Variants in HOMER3 observed in about 807,000 individuals in gnomAD.
HOMER3 encodes the protein homer protein homolog 3.
A neutral mutation model predicts 45.5 loss-of-function variants in HOMER3; 34 were observed. That is an observed-to-expected ratio of 0.75 (90% CI 0.57 to 1.00). The LOEUF (loss-of-function observed/expected upper bound fraction) is 1.00, where lower values mean the gene tolerates loss of function less well. Ranked by LOEUF, HOMER3 falls within the 50% of genes least tolerant of loss-of-function variation. HOMER3 has a pLI of 0.00. For missense variants in HOMER3, 480 were observed against 497.5 expected (o/e 0.96, Z 0.33); for synonymous variants, 223 against 208.8 (o/e 1.07, Z -0.58).
rs953082850 is a variant in HOMER3 at position 18,937,259 on chromosome 19, C to T, written c.303+1094G>A. ...CCAGGAGTTTGAGGCTGCAGTGAGC[C>T]ATGATTGCACTGCTTCACTCCAGCC... On this transcript the variant is annotated intron_variant, in intron 4 of 9. Coordinates refer to ENST00000392351, the MANE Select transcript of HOMER3 (RefSeq NM_004838.4). Among the ~76,000 whole-genome samples, 3 of 129,248 alleles carry T rather than the reference C, an allele frequency of 2.3e-5. No individual in the cohort carries two copies. The Admixed American group carries it at 2.9e-4, about 13-fold the overall frequency. 84.8% of individuals were successfully genotyped at this position (129,248 alleles called of 152,430 possible).
chr19:18,938,279 C>T (rs2057115501), intron 4 of HOMER3, 74 bp downstream of exon 4: 4 of 1,518,054 alleles, frequency 2.6e-6, no homozygotes, highest in Admixed American at 3.8e-5. Flanking sequence ...TGCCCAAGAT[C>T]CCAGAGTGAG....
intron 1 of HOMER3, chr19:18,939,265 C>T (rs1460310455): frequency 7.2e-6 from 3 of 418,304 alleles, no homozygotes; most frequent in South Asian, 1.2e-4. Flanking sequence ...CATGGCGAGA[C>T]CCCATCTCTA....
Position 18,931,340 on chromosome 19 carries a change from A to C in HOMER3, c.879T>G (p.Thr293=). Residue 293 remains threonine (T), a synonymous_variant, in exon 9 of 10, where the codon ACT becomes ACG. Coordinates refer to ENST00000392351, the MANE Select transcript of HOMER3 (RefSeq NM_004838.4). ...EALEAAEREE[T]QQKVQDLETR... ...CCACACACACCTGCACCTTCTGCTG[A>C]GTCTCCTCACGCTCGGCAGCCTCCA... 1 of 1,614,070 alleles carries C rather than the reference A, an allele frequency of 6.2e-7. No homozygotes were observed. The highest frequency in any genetic ancestry group is 8.5e-7 in the Non-Finnish European group (1 of 1,179,994).
Position 18,938,441 on chromosome 19 carries a change from T to C in HOMER3, c.215A>G (p.Lys72Arg). 6.2e-7 allele frequency: 1 copy of C among 1,614,088 alleles called. No homozygotes were observed. Among genetic ancestry groups the C allele is most frequent in the Non-Finnish European group, 8.5e-7 (1 of 1,179,966 alleles). ...CCACTGCCCGAACTTCTGGGAAGTT[T>C]TGGTGAAGGTCATGTTGGGAGTGAC... ...STVTPNMTFT[K>R]TSQKFGQWAD... The change falls in exon 4 of 10, where the codon AAA becomes AGA. Residue 72 changes from lysine (K) to arginine (R), a missense_variant. Coordinates refer to ENST00000392351, the MANE Select transcript of HOMER3 (RefSeq NM_004838.4).
At chr19:18,932,898 C>A in intron 6 of HOMER3, 26 bp downstream of exon 6, 2 of 1,037,066 alleles carry the variant, frequency 1.9e-6, no homozygotes, top group Non-Finnish European at 2.6e-6. Flanking sequence ...CCCGCCCCTG[C>A]CACGCCCCCA....
Position 18,938,709 on chromosome 19 carries a change from A to AAC in HOMER3, c.171+18_171+19insGT. Reference sequence around the variant, plus strand: ...CCAGGACTCCTGGTGCCTCTGCCCCACCCAGACCCCACCCTGACCTTGGCG... The same window carrying AAC: ...CCAGGACTCCTGGTGCCTCTGCCCCAACCCCAGACCCCACCCTGACCTTGGCG... On this transcript the variant is annotated intron_variant, in intron 3 of 9. Coordinates refer to ENST00000392351, the MANE Select transcript of HOMER3 (RefSeq NM_004838.4). 1.1e-6 allele frequency: 1 copy of AAC among 940,948 alleles called. No homozygotes were observed. The highest frequency in any genetic ancestry group is 1.7e-5 in the African/African-American group (1 of 57,904). The allele number at this position is 940,948 out of a possible 1,614,324, so 58.3% of individuals were successfully genotyped here. A position where few individuals can be genotyped will look rare whatever the true frequency, so the allele number is the denominator to read the frequency against.
intron 9 of HOMER3, among the ~76,000 whole-genome samples, chr19:18,930,198 C>T (rs1043074663): frequency 2.1e-5 from 3 of 142,710 alleles, no homozygotes; most frequent in Admixed American, 7.4e-5. Context: ...TGCAGTGAGC[C>T]GAGATCGCGC....
intron 5 of HOMER3, 120 bp from the exon 6 acceptor site, chr19:18,933,165 G>T: frequency 7.9e-7 from 1 of 1,265,952 alleles, no homozygotes; most frequent in Admixed American, 3.3e-5. Context: ...GTCCTTCACA[G>T]CACAGGATCC....
chr19:18,932,431 G>A (rs943261928), intron 6 of HOMER3, among the ~76,000 whole-genome samples: 1 of 151,714 alleles, frequency 6.6e-6, no homozygotes, highest in African/African-American at 2.4e-5. Flanking sequence ...GGCCAGAGGA[G>A]GGGTGGCTTT....
At chr19:18,931,250 G>C in intron 9 of HOMER3, 75 bp downstream of exon 9, 1 of 1,284,716 alleles carries the variant, frequency 7.8e-7, no homozygotes, top group Non-Finnish European at 1.1e-6. Context: ...TATCATCTTA[G>C]GTAGATATTG....
At chr19:18,935,775 T>G (rs750040599) in intron 4 of HOMER3, among the ~76,000 whole-genome samples, 1 of 152,120 alleles carries the variant, frequency 6.6e-6, no homozygotes, top group Admixed American at 6.6e-5. Context: ...ATCCCAGCAC[T>G]TTGGGAGACC....
At position 18,931,430 on chromosome 19, in the gene HOMER3, C is replaced by T; in HGVS notation, c.808-19G>A. ...GAATCTCCTAGAGGAGAAGAGTTCC[C>T]AGGGTCTGTTGCGGGGGTCCTGGCT... On this transcript the variant is annotated intron_variant, in intron 8 of 9. Coordinates refer to ENST00000392351, the MANE Select transcript of HOMER3 (RefSeq NM_004838.4). The T allele has an allele frequency of 1.9e-6, 3 of 1,613,874 alleles. No individual in the cohort carries two copies. Among genetic ancestry groups the T allele is most frequent in the Non-Finnish European group, 2.5e-6 (3 of 1,179,764 alleles).
At chr19:18,931,285 G>A (rs1412593029) in intron 9 of HOMER3, 40 bp downstream of exon 9, 1 of 1,535,282 alleles carries the variant, frequency 6.5e-7, no homozygotes, top group Non-Finnish European at 9.0e-7. Context: ...TGAGGTGACT[G>A]TCACCCACCG....
intron 4 of HOMER3, among the ~76,000 whole-genome samples, chr19:18,936,109 T>C (rs758453456): frequency 2.1e-5 from 3 of 143,222 alleles, no homozygotes; most frequent in Non-Finnish European, 3.0e-5. Flanking sequence ...AGGTCAGGAG[T>C]TCAAGAGCAG....
chr19:18,929,497 A>G lies in HOMER3; in HGVS notation c.1032T>C (p.Phe344=). The change falls in exon 10 of 10, where the codon TTT becomes TTC. Residue 344 remains phenylalanine, a synonymous_variant. Coordinates refer to ENST00000392351, the MANE Select transcript of HOMER3 (RefSeq NM_004838.4). ...GGCCCTCACGCAGCTCACTCAGCTC[A>G]AACAGGCTGACGTCCAGCAGCTGCG... ...RAAQLLDVSL[F]ELSELREGLA... 6.3e-7 allele frequency: 1 copy of G among 1,594,988 alleles called. No homozygotes were observed. Among genetic ancestry groups the G allele is most frequent in the South Asian group, 1.1e-5 (1 of 89,156 alleles).
chr19:18,929,543 C>T lies in HOMER3; in HGVS notation c.986G>A (p.Arg329Gln), dbSNP rs373091234. Reference protein sequence around the residue: ...EEARAERERARAEVGRAAQLL... With the variant: ...EEARAERERAQAEVGRAAQLL... ...CTGCGCTGCCCGGCCCACCTCAGCC[C>T]GCGCCCGCTCCCGCTCTGCCCGTGC... is the stretch of plus-strand genomic sequence containing the variant. The change falls in exon 10 of 10, where the codon CGG becomes CAG. Residue 329 changes from arginine to glutamine, a missense_variant. Transcript: ENST00000392351. 2.7e-5 allele frequency: 42 copies of T among 1,557,382 alleles called. No individual in the cohort carries two copies. The highest frequency in any genetic ancestry group is 9.4e-5 in the South Asian group (8 of 85,440).
In HOMER3 at chr19:18,932,940, T is replaced by C; in HGVS notation, c.517A>G (p.Lys173Glu). The C allele has an allele frequency of 7.4e-7, 1 of 1,347,276 alleles. No homozygotes were observed. Among genetic ancestry groups the C allele is most frequent in the Non-Finnish European group, 9.6e-7 (1 of 1,036,816 alleles). The allele number at this position is 1,347,276 out of a possible 1,614,324, so 83.5% of individuals were successfully genotyped here. A position where few individuals can be genotyped will look rare whatever the true frequency, so the allele number is the denominator to read the frequency against. The change falls in exon 6 of 10, where the codon AAG becomes GAG. Residue 173 changes from lysine to glutamate, a missense_variant. Transcript: ENST00000392351. ...GCCCCTCACCCCTCAGACAACATCT[T>C]CTTTAGCCGCTCGCGCTCTGTGGGG... ...PGPTERERLK[K>E]MLSEGSVGEV...
chr19:18,936,329 T>A lies in HOMER3; in HGVS notation c.304-1919A>T, dbSNP rs142147905. On this transcript the variant is annotated intron_variant, in intron 4 of 9. Coordinates refer to ENST00000392351, the MANE Select transcript of HOMER3 (RefSeq NM_004838.4). ...ACTCTGTCTCAAAAAAATAAATAAA[T>A]AAATAAATAAATAAATGATTTTTTA... 2.4e-3 allele frequency among the ~76,000 whole-genome samples: 298 copies of A among 125,050 alleles called. 7 individuals are homozygous for A. The highest frequency in any genetic ancestry group is 3.8e-3 in the Non-Finnish European group (225 of 59,696). The allele number at this position is 125,050 out of a possible 152,430, so 82.0% of individuals were successfully genotyped here. A position where few individuals can be genotyped will look rare whatever the true frequency, so the allele number is the denominator to read the frequency against.
intron 6 of HOMER3, 34 bp from the exon 7 acceptor site, chr19:18,932,166 C>T (rs1469261330): frequency 1.0e-6 from 1 of 966,306 alleles, no homozygotes; most frequent in Admixed American, 4.0e-5. Flanking sequence ...GTGGGTGACA[C>T]GGGGCTGGGG....
Sources: allele counts gnomAD v4.1 joint callset (sites outside exome capture counted in the v4.1 genomes callset), GRCh38; gene constraint gnomAD v4.1.1; transcripts MANE v1.5; gene names NCBI Gene and HGNC (gene_info 2026-07-23, HGNC 2026-07-21).